SLFN13: variants seen among roughly 807,000 people sequenced by gnomAD.
SLFN13 encodes schlafen family member 13, also known as schlafen-13.
A neutral mutation model predicts 50.6 loss-of-function variants in SLFN13; 43 were observed. The ratio of observed to expected loss-of-function variants is 0.85; its 90% confidence interval spans 0.67 to 1.09. SLFN13 has a LOEUF of 1.09. Among genes scored for constraint, SLFN13 ranks in the 50% least tolerant of loss-of-function variants. The pLI is 0.00. For synonymous variants in SLFN13, 339 were observed against 386.5 expected (o/e 0.88, Z 1.44); for missense variants, 881 against 1,071.1 (o/e 0.82, Z 2.48).
In SLFN13 at chr17:35,443,897, C is replaced by G. The variant is rs772561897; in HGVS notation, c.1090G>C (p.Ala364Pro). 1.9e-6 allele frequency: 3 copies of G among 1,613,434 alleles called. No individual in the cohort carries two copies. The South Asian group carries it at 3.3e-5, about 18-fold the overall frequency. ...GATAGACTCAACTGAGACTCAAAGGCCTCAGCAAAGTCTGGAGGAAACTCT... is the reference window on the plus strand; with the variant it reads ...GATAGACTCAACTGAGACTCAAAGGGCTCAGCAAAGTCTGGAGGAAACTCT... ...DPEFPPDFAE[A>P]FESQLSLSDS... The change falls in exon 4 of 6, where the codon GCC (alanine) becomes CCC (proline). Residue 364 changes from alanine (A) to proline (P), a missense_variant. Transcript: ENST00000285013.
Position 35,445,063 on chromosome 17 carries a change from A to C in SLFN13, c.618T>G (p.Phe206Leu). The stretch of plus-strand genomic sequence containing the variant: ...TAAACTCTATGGATGGAGACTCAGG[A>C]AAAGATAGGATTTCACCATATTCAA... ...DTIEYGEILS[F>L]PESPSIEFKQ... The change falls in exon 3 of 6, where the codon TTT (phenylalanine) becomes TTG (leucine). Residue 206 changes from phenylalanine to leucine, a missense_variant. By Grantham distance (22) the Phe-to-Leu change is conservative. This residue lies in a region of SLFN13 where 497 missense variants were observed against 518.3 expected (regional missense o/e 0.96). Coordinates refer to ENST00000285013, the MANE Select transcript of SLFN13 (RefSeq NM_144682.6). 3.1e-6 allele frequency: 5 copies of C among 1,614,060 alleles called. No individual in the cohort carries two copies. Among genetic ancestry groups the C allele is most frequent in the Non-Finnish European group, 4.2e-6 (5 of 1,180,028 alleles).
rs1157994372 is a variant in SLFN13 at position 35,435,729 on chromosome 17, T to G, written c.*4866A>C. 6.6e-6 allele frequency: 1 copy of G among 152,184 alleles called. No homozygotes were observed. The highest frequency in any genetic ancestry group is 1.5e-5 in the Non-Finnish European group (1 of 68,042). 9.4% of individuals were successfully genotyped at this position (152,184 alleles called of 1,614,324 possible). ...TTCAGATGATCATGTGATTTTTCTC[T>G]TTTGAACTCTTAATCTGTGGTGAAT... On this transcript the variant is annotated 3_prime_UTR_variant, in exon 6 of 6. Coordinates refer to ENST00000285013, the MANE Select transcript of SLFN13 (RefSeq NM_144682.6).
chr17:35,441,690 C>T lies in SLFN13; in HGVS notation c.1795G>A (p.Gly599Ser), dbSNP rs770029920. 1.4e-5 allele frequency: 22 copies of T among 1,599,376 alleles called. No individual in the cohort carries two copies. Among genetic ancestry groups the T allele is most frequent in the South Asian group, 3.3e-5 (3 of 90,246 alleles). Reference sequence around the variant, plus strand: ...ATGGTCTTCCCTGAGCCAGGTAAGCCGTGGACAAACAACTCTCTGTTCTTG... The same window carrying T: ...ATGGTCTTCCCTGAGCCAGGTAAGCTGTGGACAAACAACTCTCTGTTCTTG... ...LRKNRELFVH[G>S]LPGSGKTIMA... The change falls in exon 5 of 6, where the codon GGC (glycine) becomes AGC (serine). Residue 599 changes from glycine (G) to serine (S), a missense_variant. Physicochemically the swap from Gly to Ser is moderately conservative, Grantham distance 56. This residue lies in a region of SLFN13 where 25 missense variants were observed against 64.4 expected (regional missense o/e 0.39). Transcript: ENST00000285013.
Position 35,441,494 on chromosome 17 carries a change from A to C in SLFN13, c.1922+69T>G, listed in dbSNP as rs2681068. 2.6e-5 allele frequency: 42 copies of C among 1,605,784 alleles called. No individual in the cohort carries two copies. In the Middle Eastern group the frequency reaches 8.3e-4, roughly 32 times the overall value. ...TTTACCACTCAATTCTCAAGGAAGA[A>C]GGTGACTTAGCAGAAAAAATTAAAC... On this transcript the variant is annotated intron_variant, in intron 5 of 5. Transcript: ENST00000285013.
chr17:35,443,986 C>A, intron 3 of SLFN13, 66 bp from the exon 4 acceptor site: 1 of 1,504,420 alleles, frequency 6.6e-7, no homozygotes, highest in Non-Finnish European at 9.0e-7. Context: ...ATAGGCTGTA[C>A]AAGGCTGTGT....
In SLFN13 at chr17:35,439,460, C is replaced by T. The variant is rs532033169; in HGVS notation, c.*1135G>A. Reference sequence around the variant, plus strand: ...ACGCTGAGATGTTACAATGTAACAACATAAACTCACTGCATTTTTTTTCTT... The same window carrying T: ...ACGCTGAGATGTTACAATGTAACAATATAAACTCACTGCATTTTTTTTCTT... On this transcript the variant is annotated 3_prime_UTR_variant, in exon 6 of 6. Transcript: ENST00000285013. 49 of 146,420 alleles carry T rather than the reference C, an allele frequency of 3.3e-4. No homozygotes were observed. The highest frequency in any genetic ancestry group is 1.3e-3 in the African/African-American group (48 of 38,274). The allele number at this position is 146,420 out of a possible 1,614,324, so 9.1% of individuals were successfully genotyped here.
At position 35,444,953 on chromosome 17, in the gene SLFN13, C is replaced by A. The variant is rs1362260966; in HGVS notation, c.728G>T (p.Gly243Val). ...ATCATCCACTCCAATAAAAAGATAG[C>A]CTCCCTCAGTGTTTGCAAATGCAGA... ...YISAFANTEG[G>V]YLFIGVDDKS... Residue 243 changes from glycine to valine, a missense_variant, in exon 3 of 6, where the codon GGC (glycine) becomes GTC (valine). Physicochemically the swap from Gly to Val is moderately radical, Grantham distance 109 (BLOSUM62 -3). Transcript: ENST00000285013. The A allele has an allele frequency of 6.2e-7, 1 of 1,614,156 alleles. No individual in the cohort carries two copies. Among genetic ancestry groups the A allele is most frequent in the Admixed American group, 1.7e-5 (1 of 60,026 alleles).
chr17:35,444,026 G>A (rs1402963793), intron 3 of SLFN13, 106 bp from the exon 4 acceptor site: 2 of 1,133,794 alleles, frequency 1.8e-6, no homozygotes, highest in Admixed American at 2.7e-5. Flanking sequence ...GTACAAGTCA[G>A]GCCACAAAGT....
chr17:35,445,549 C>T lies in SLFN13; in HGVS notation c.132G>A (p.Ala44=), dbSNP rs758442678. Residue 44 remains alanine, a synonymous_variant, in exon 3 of 6, where the codon GCG becomes GCA. Coordinates refer to ENST00000285013, the MANE Select transcript of SLFN13 (RefSeq NM_144682.6). ...LQKTQRDQER[A]RVIRAACALL... is the part of the protein sequence containing the mutation. The stretch of plus-strand genomic sequence containing the variant: ...AAGCACACGCGGCCCGTATAACTCT[C>T]GCCCTCTCTTGGTCTCTCTGAGTTT... 43 of 1,613,992 alleles carry T rather than the reference C, an allele frequency of 2.7e-5. No homozygotes were observed. The highest frequency in any genetic ancestry group is 3.6e-5 in the Non-Finnish European group (42 of 1,180,026).
chr17:35,447,890 GT>G (rs755380492), intron 1 of SLFN13, among the ~76,000 whole-genome samples: 1 of 136,764 alleles, frequency 7.3e-6, no homozygotes, highest in African/African-American at 2.8e-5. Flanking sequence ...GTTTTGTTTT[GT>G]TTTTGTTTTG....
rs370711063 is a variant in SLFN13 at position 35,445,585 on chromosome 17, T to G, written c.96A>C (p.Lys32Asn). The G allele has an allele frequency of 6.2e-7, 1 of 1,614,122 alleles. No individual in the cohort carries two copies. The highest frequency in any genetic ancestry group is 8.5e-7 in the Non-Finnish European group (1 of 1,180,020). ...GGTCTCTCTGAGTTTTCTGTAGCTTTTTTCTGTTTTCTTCTCCCAGAGTCA... is the reference window on the plus strand; with the variant it reads ...GGTCTCTCTGAGTTTTCTGTAGCTTGTTTCTGTTTTCTTCTCCCAGAGTCA... ...GEVTLGEENR[K>N]KLQKTQRDQE... is the part of the protein sequence containing the mutation. The change falls in exon 3 of 6, where the codon AAA (lysine) becomes AAC (asparagine). Residue 32 changes from lysine (K) to asparagine (N), a missense_variant. Lys to Asn is a moderately conservative substitution (Grantham distance 94). Coordinates refer to ENST00000285013, the MANE Select transcript of SLFN13 (RefSeq NM_144682.6).
Position 35,441,743 on chromosome 17 carries a change from T to C in SLFN13, c.1742A>G (p.Gln581Arg). Residue 581 changes from glutamine to arginine, a missense_variant, in exon 5 of 6, where the codon CAG becomes CGG. Physicochemically the swap from Gln to Arg is conservative, Grantham distance 43. Transcript: ENST00000285013. Reference sequence around the variant, plus strand: ...GAGGCTTCTGGAGAATATCTCATACTGCTGGGCTGTGAGCAGATTTAAAAC... The same window carrying C: ...GAGGCTTCTGGAGAATATCTCATACCGCTGGGCTGTGAGCAGATTTAAAAC... ...CEVLNLLTAQ[Q>R]YEIFSRSLRK... 1 of 1,545,576 alleles carries C rather than the reference T, an allele frequency of 6.5e-7. No homozygotes were observed. The highest frequency in any genetic ancestry group is 8.8e-7 in the Non-Finnish European group (1 of 1,140,736).
rs1913111967 is a variant in SLFN13, at chr17:35,444,863, A to G, written c.818T>C (p.Ile273Thr). 1 of 1,614,098 alleles carries G rather than the reference A, an allele frequency of 6.2e-7. No individual in the cohort carries two copies. The highest frequency in any genetic ancestry group is 8.5e-7 in the Non-Finnish European group (1 of 1,180,048). ...GGGCAACTTAGAAATTGCTCTTGCA[A>G]TTACATTTTTCAAAGAGTCAGGGTC... is the stretch of plus-strand genomic sequence containing the variant. The part of the protein sequence containing the change: ...QVDPDSLKNV[I>T]ARAISKLPIV... The change falls in exon 3 of 6, where the codon ATT (isoleucine) becomes ACT (threonine). Residue 273 changes from isoleucine (I) to threonine (T), a missense_variant. Physicochemically the swap from Ile to Thr is moderately conservative, Grantham distance 89. Around this residue, in one of 5 missense-constraint regions of SLFN13, gnomAD observed 497 missense variants for 518.3 expected, o/e 0.96. Coordinates refer to ENST00000285013, the MANE Select transcript of SLFN13 (RefSeq NM_144682.6).
chr17:35,438,617 T>G lies in SLFN13; in HGVS notation c.*1978A>C, dbSNP rs1490954826. 6.6e-6 allele frequency: 1 copy of G among 152,166 alleles called. No homozygotes were observed. The highest frequency in any genetic ancestry group is 1.5e-5 in the Non-Finnish European group (1 of 68,034). The allele number at this position is 152,166 out of a possible 1,614,324, so 9.4% of individuals were successfully genotyped here. A position where few individuals can be genotyped will look rare whatever the true frequency, so the allele number is the denominator to read the frequency against. The stretch of plus-strand genomic sequence containing the variant: ...AGAAGAAATATTTTTCTCCTTATTT[T>G]GCTGATCTGTCAGATTTTGCTCAAG... On this transcript the variant is annotated 3_prime_UTR_variant, in exon 6 of 6. Transcript: ENST00000285013.
chr17:35,440,635 A>T lies in SLFN13; in HGVS notation c.2654T>A (p.Leu885Gln). The T allele has an allele frequency of 6.2e-7, 1 of 1,614,204 alleles. No individual in the cohort carries two copies. The highest frequency in any genetic ancestry group is 1.1e-5 in the South Asian group (1 of 91,088). Reference sequence around the variant, plus strand: ...TAGGTGCTGTTTTGCCCTGGAAGCCAGACAGATCAGAATATTGGGTAAGAT... The same window carrying T: ...TAGGTGCTGTTTTGCCCTGGAAGCCTGACAGATCAGAATATTGGGTAAGAT... ...PAILPNILICLASRAKQHLYI... is the reference protein window; with the variant it reads ...PAILPNILICQASRAKQHLYI... Residue 885 changes from leucine (L) to glutamine (Q), a missense_variant, in exon 6 of 6, where the codon CTG (leucine) becomes CAG (glutamine). Physicochemically the swap from Leu to Gln is moderately radical, Grantham distance 113 (BLOSUM62 -2). Around this residue, in one of 5 missense-constraint regions of SLFN13, gnomAD observed 322 missense variants for 327.4 expected, o/e 0.98. Transcript: ENST00000285013.
At position 35,440,727 on chromosome 17, in the gene SLFN13, G is replaced by A. The variant is rs746412449; in HGVS notation, c.2562C>T (p.Val854=). The A allele has an allele frequency of 3.3e-5, 54 of 1,613,920 alleles. No homozygotes were observed. Among genetic ancestry groups the A allele is most frequent in the South Asian group, 2.1e-4 (19 of 91,088 alleles). ...MLGVHIVLDS[V]RRFSGLERSI... is the part of the protein sequence containing the mutation. ...TCCTTTCCAGGCCTGAGAATCGCCG[G>A]ACACTGTCCAACACAATGTGCACAC... Residue 854 remains valine (V), a synonymous_variant, in exon 6 of 6, where the codon GTC becomes GTT. Coordinates refer to ENST00000285013, the MANE Select transcript of SLFN13 (RefSeq NM_144682.6).
chr17:35,446,020 C>A (rs916490559), intron 2 of SLFN13: 8 of 198,806 alleles, frequency 4.0e-5, no homozygotes, highest in Non-Finnish European at 6.1e-5. Flanking sequence ...CTAGAACTGG[C>A]CAGGTGAAAT....
At position 35,440,323 on chromosome 17, in the gene SLFN13, A is replaced by G; in HGVS notation, c.*272T>C. ...AGCAAGACACAGGTCTGCATTGTGC[A>G]GCACAGCTAAAGTTCCTTTAGAAAA... On this transcript the variant is annotated 3_prime_UTR_variant, in exon 6 of 6. Coordinates refer to ENST00000285013, the MANE Select transcript of SLFN13 (RefSeq NM_144682.6). The G allele has an allele frequency of 1.9e-6, 1 of 519,776 alleles. No individual in the cohort carries two copies. Among genetic ancestry groups the G allele is most frequent in the Non-Finnish European group, 3.4e-6 (1 of 290,318 alleles). The allele number at this position is 519,776 out of a possible 1,614,324, so 32.2% of individuals were successfully genotyped here.
At position 35,436,594 on chromosome 17, in the gene SLFN13, G is replaced by T. The variant is rs1912652244; in HGVS notation, c.*4001C>A. The T allele has an allele frequency of 6.6e-6, 1 of 152,024 alleles. No homozygotes were observed. Among genetic ancestry groups the T allele is most frequent in the African/African-American group, 2.4e-5 (1 of 41,402 alleles). 9.4% of individuals were successfully genotyped at this position (152,024 alleles called of 1,614,324 possible). ...AAATGATCAGAGTTAACATCATCAGGAATGGAACTAATCACTATCAAGTGC... is the reference window on the plus strand; with the variant it reads ...AAATGATCAGAGTTAACATCATCAGTAATGGAACTAATCACTATCAAGTGC... On this transcript the variant is annotated 3_prime_UTR_variant, in exon 6 of 6. Coordinates refer to ENST00000285013, the MANE Select transcript of SLFN13 (RefSeq NM_144682.6).
Sources: gnomAD v4.1 joint callset for allele counts (sites outside exome capture counted in the v4.1 genomes callset) on GRCh38, gnomAD v4.1.1 for gene constraint, gnomAD v4.1.1 regional missense constraint, MANE v1.5 for transcripts, NCBI Gene and HGNC (gene_info 2026-07-23, HGNC 2026-07-21) for gene names.